PDZD2: variants seen among roughly 807,000 people sequenced by gnomAD.
The protein encoded by PDZD2 is PDZ domain-containing protein 2.
Under a neutral mutation model 220.7 loss-of-function variants are expected in PDZD2, and 90 were observed. The ratio of observed to expected loss-of-function variants is 0.41; its 90% CI spans 0.34 to 0.49. The LOEUF (loss-of-function observed/expected upper bound fraction) is 0.49. Ranked by LOEUF, PDZD2 falls within the 20% of genes least tolerant of loss-of-function variation. PDZD2 has a pLI of 0.28. For missense variants in PDZD2, 3,174 were observed against 3,608.5 expected, an observed-to-expected ratio of 0.88 and a Z score of 3.08; for synonymous variants, 1,375 against 1,450.5, an observed-to-expected ratio of 0.95 and a Z score of 1.18.
intron 1 of PDZD2, among the ~76,000 whole-genome samples, chr5:31,743,782 C>T (rs1280459722): frequency 6.6e-6 from 1 of 151,784 alleles, no homozygotes; most frequent in East Asian, 1.9e-4. Flanking sequence ...ATATTGGTGC[C>T]TCAGATATGA....
intron 1 of PDZD2, among the ~76,000 whole-genome samples, chr5:31,750,498 C>T (rs892072612): frequency 6.6e-6 from 1 of 152,150 alleles, no homozygotes; most frequent in African/African-American, 2.4e-5. Flanking sequence ...GGAGAGGAGA[C>T]AAAGCATGAA....
chr5:31,794,558 T>G (rs1753913631), intron 1 of PDZD2, among the ~76,000 whole-genome samples: 1 of 151,596 alleles, frequency 6.6e-6, no homozygotes, highest in Admixed American at 6.6e-5. Flanking sequence ...CCACCACCAC[T>G]CCCGGCTAAT....
chr5:31,872,417 CAAT>C (rs1477852127), intron 2 of PDZD2, among the ~76,000 whole-genome samples: 2 of 152,108 alleles, frequency 1.3e-5, no homozygotes, highest in African/African-American at 4.8e-5. Context: ...AGCATCTTGC[CAAT>C]AAGTAGTCAC....
chr5:31,860,410 A>C (rs889786654), intron 2 of PDZD2, among the ~76,000 whole-genome samples: 2 of 152,030 alleles, frequency 1.3e-5, no homozygotes, highest in African/African-American at 4.8e-5. Flanking sequence ...CTAAGTTACC[A>C]CTAGTTTGTC....
At chr5:32,023,890 G>T (rs565445832) in intron 6 of PDZD2, among the ~76,000 whole-genome samples, 1 of 152,336 alleles carries the variant, frequency 6.6e-6, no homozygotes, top group South Asian at 2.1e-4. Flanking sequence ...GTTTTAAATT[G>T]TGTGCCATTC....
rs192259387 is a variant in PDZD2, at chr5:32,042,052, G to A, written c.1519+4710G>A. Among the ~76,000 whole-genome samples, 3 of 45,816 alleles carry A rather than the reference G, an allele frequency of 6.5e-5. No homozygotes were observed. The East Asian group carries it at 1.4e-3, about 22-fold the overall frequency. The allele number at this position is 45,816 out of a possible 152,430, so 30.1% of individuals were successfully genotyped here. On this transcript the variant is annotated intron_variant, in intron 7 of 24. Transcript: ENST00000438447. The stretch of plus-strand genomic sequence containing the variant: ...AACACGGTGAAACCCTCAGGAGATC[G>A]AGACCATCCTGGCTAACACGGTGAA...
rs1335540265 is a variant in PDZD2, at chr5:31,948,724, TG to T, written c.477-34429del. ...GCCTGTGCTTCCTGGAGGGTACTTC[TG>T]GCTCTGAGGTCATGTGATTCTGTAA... is the stretch of plus-strand genomic sequence containing the variant. On this transcript the variant is annotated intron_variant, in intron 2 of 24. Coordinates refer to ENST00000438447, the MANE Select transcript of PDZD2 (RefSeq NM_178140.4). 2.0e-5 allele frequency among the ~76,000 whole-genome samples: 3 copies of T among 152,194 alleles called. 1 individual carries two copies. The East Asian group carries it at 5.8e-4, about 29-fold the overall frequency.
intron 2 of PDZD2, among the ~76,000 whole-genome samples, chr5:31,863,098 G>A (rs1299335356): frequency 1.3e-5 from 2 of 152,212 alleles, no homozygotes; most frequent in Non-Finnish European, 2.9e-5. Flanking sequence ...TGGTCAGGCT[G>A]GTCTCGAACT....
intron 1 of PDZD2, among the ~76,000 whole-genome samples, chr5:31,686,739 A>C (rs437748): frequency 0.74 from 112,297 of 152,184 alleles, 41,698 homozygotes; most frequent in East Asian, 0.93. Context: ...CTTTTACAAT[A>C]TTTTTAGTTT....
At chr5:32,058,548 C>T (rs1419711523) in intron 12 of PDZD2, among the ~76,000 whole-genome samples, 2 of 151,666 alleles carry the variant, frequency 1.3e-5, no homozygotes, top group Non-Finnish European at 2.9e-5. Flanking sequence ...GTGGCAAGCG[C>T]CTGTAATCCC....
At chr5:31,839,516 G>A (rs1477505636) in intron 2 of PDZD2, among the ~76,000 whole-genome samples, 1 of 152,202 alleles carries the variant, frequency 6.6e-6, no homozygotes, top group African/African-American at 2.4e-5. Flanking sequence ...GAAACCTGAG[G>A]TTTTAGGTAG....
intron 8 of PDZD2, 128 bp from the exon 9 acceptor site, chr5:32,052,483 T>C (rs1043858062): frequency 2.0e-5 from 18 of 888,378 alleles, no homozygotes; most frequent in Non-Finnish European, 2.9e-5. Flanking sequence ...TTTAAGTCAC[T>C]GAACCAGAGA....
In PDZD2 at chr5:31,867,221, T is replaced by TA. The variant is rs147947250; in HGVS notation, c.476+67504dup. Among the ~76,000 whole-genome samples the TA allele has an allele frequency of 8.5e-3, 1,302 of 152,296 alleles. 24 individuals carry two copies. Among genetic ancestry groups the TA allele is most frequent in the African/African-American group, 0.029 (1,188 of 41,560 alleles). The stretch of plus-strand genomic sequence containing the variant: ...CCAGAAAGTCATGCTCTTGAGCTCA[T>TA]AAAAAAACCTAATGGGATGCAGACA... On this transcript the variant is annotated intron_variant, in intron 2 of 24. Transcript: ENST00000438447.
chr5:31,856,023 C>A (rs1758415055), intron 2 of PDZD2, among the ~76,000 whole-genome samples: 1 of 152,070 alleles, frequency 6.6e-6, no homozygotes, highest in Admixed American at 6.6e-5. Context: ...TAGAAATAGG[C>A]CAGGCTGAGT....
intron 3 of PDZD2, among the ~76,000 whole-genome samples, chr5:31,988,126 C>T (rs192852946): frequency 2.0e-5 from 3 of 152,310 alleles, no homozygotes; most frequent in African/African-American, 7.2e-5. Context: ...CTAAACAGCA[C>T]ATCTCATTAC....
intron 1 of PDZD2, among the ~76,000 whole-genome samples, chr5:31,707,561 T>C (rs1223326571): frequency 2.6e-5 from 4 of 152,186 alleles, no homozygotes; most frequent in Non-Finnish European, 4.4e-5. Context: ...CAGTATTTCA[T>C]TATGGCTAAT....
At chr5:31,796,393 G>A (rs572245915) in intron 1 of PDZD2, among the ~76,000 whole-genome samples, 16 of 152,314 alleles carry the variant, frequency 1.1e-4, no homozygotes, top group South Asian at 4.1e-4. Flanking sequence ...CTGCGCTTCT[G>A]CCCGCCACCG....
intron 1 of PDZD2, among the ~76,000 whole-genome samples, chr5:31,648,334 A>G (rs1356941772): frequency 6.6e-6 from 1 of 152,026 alleles, no homozygotes; most frequent in Non-Finnish European, 1.5e-5. Context: ...ACAAAATGCA[A>G]TCCTTGATAT....
intron 8 of PDZD2, among the ~76,000 whole-genome samples, chr5:32,049,454 C>T (rs1368761911): frequency 2.0e-5 from 3 of 152,172 alleles, no homozygotes; most frequent in Non-Finnish European, 2.9e-5. Flanking sequence ...GCAACGACCT[C>T]CACACATGCT....
Sources: gnomAD v4.1 joint callset for allele counts (sites outside exome capture counted in the v4.1 genomes callset) on GRCh38, gnomAD v4.1.1 for gene constraint, MANE v1.5 for transcripts, NCBI Gene and HGNC (gene_info 2026-07-23, HGNC 2026-07-21) for gene names.